GRIK4: variants seen among roughly 807,000 people sequenced by gnomAD.
The protein encoded by GRIK4 is glutamate ionotropic receptor kainate type subunit 4, also known as glutamate receptor ionotropic, kainate 4.
GRIK4 carries 40 observed loss-of-function variants against 104.9 expected under a neutral mutation model. The ratio of observed to expected loss-of-function variants is 0.38; its 90% CI spans 0.30 to 0.50. The LOEUF is 0.50. GRIK4 is among the 20% of genes least tolerant of loss of function. The probability of loss-of-function intolerance (pLI) is 0.93; values close to 1 mark genes in which losing one functional copy is unlikely to be tolerated. For synonymous variants in GRIK4, 485 were observed against 524.9 expected (o/e 0.92, Z 1.04); for missense variants, 1,047 against 1,308.1 (o/e 0.80, Z 3.08).
intron 3 of GRIK4, among the ~76,000 whole-genome samples, chr11:120,724,522 A>G (rs1428775707): frequency 6.6e-6 from 1 of 152,214 alleles, no homozygotes; most frequent in East Asian, 1.9e-4. Flanking sequence ...AAGGAATGTT[A>G]TTGGCATTGA....
At chr11:120,672,064 C>T (rs183644558) in intron 3 of GRIK4, among the ~76,000 whole-genome samples, 6 of 152,254 alleles carry the variant, frequency 3.9e-5, no homozygotes, top group Admixed American at 6.5e-5. Context: ...AGTGTGATGC[C>T]TCCAGCTTTG....
intron 3 of GRIK4, among the ~76,000 whole-genome samples, chr11:120,787,164 A>G (rs1369975517): frequency 2.0e-5 from 3 of 151,652 alleles, no homozygotes; most frequent in African/African-American, 7.3e-5. Flanking sequence ...TTTAACAACA[A>G]CAAAAAAAAT....
At chr11:120,592,753 C>G (rs1161645661) in intron 1 of GRIK4, among the ~76,000 whole-genome samples, 1 of 152,144 alleles carries the variant, frequency 6.6e-6, no homozygotes, top group Non-Finnish European at 1.5e-5. Flanking sequence ...GCCTGACCTC[C>G]CACCCACATG....
At chr11:120,573,556 G>T (rs1228058724) in intron 1 of GRIK4, among the ~76,000 whole-genome samples, 1 of 152,188 alleles carries the variant, frequency 6.6e-6, no homozygotes, top group Non-Finnish European at 1.5e-5. Context: ...GTCTCACTGG[G>T]TGGGAGAAAG....
intron 19 of GRIK4, among the ~76,000 whole-genome samples, chr11:120,981,166 G>T (rs370845772): frequency 5.1e-4 from 78 of 152,162 alleles, no homozygotes; most frequent in African/African-American, 1.9e-3. Context: ...GAATCAGGGT[G>T]TTTTGTGTTT....
chr11:120,804,608 G>A (rs1952679254), intron 4 of GRIK4, among the ~76,000 whole-genome samples: 1 of 152,312 alleles, frequency 6.6e-6, no homozygotes, highest in South Asian at 2.1e-4. Context: ...CTTTTATTGA[G>A]CATTGACTCT....
At chr11:120,519,382 G>T (rs1947768862) in intron 1 of GRIK4, among the ~76,000 whole-genome samples, 2 of 152,164 alleles carry the variant, frequency 1.3e-5, no homozygotes, top group Admixed American at 1.3e-4. Context: ...CCTCACGAAT[G>T]GGATTATGCC....
chr11:120,849,083 C>T (rs554966204), intron 8 of GRIK4, among the ~76,000 whole-genome samples: 1 of 152,268 alleles, frequency 6.6e-6, no homozygotes, highest in Admixed American at 6.5e-5. Context: ...ACGGGGCTCC[C>T]AGAGCTGAGT....
chr11:120,793,237 T>C (rs1365387675), intron 3 of GRIK4, among the ~76,000 whole-genome samples: 1 of 151,802 alleles, frequency 6.6e-6, no homozygotes, highest in Admixed American at 6.6e-5. Flanking sequence ...GAACATGGCA[T>C]GGGGTGAAGT....
intron 11 of GRIK4, among the ~76,000 whole-genome samples, chr11:120,897,509 C>T (rs1165724590): frequency 6.9e-6 from 1 of 145,788 alleles, no homozygotes; most frequent in Non-Finnish European, 1.5e-5. Flanking sequence ...TGGCAGGCAC[C>T]TGTAATCCCA....
At chr11:120,895,634 G>T (rs1226623474) in intron 11 of GRIK4, among the ~76,000 whole-genome samples, 1 of 152,192 alleles carries the variant, frequency 6.6e-6, no homozygotes, top group Non-Finnish European at 1.5e-5. Flanking sequence ...AAACAAGAAA[G>T]ATCACAGAAT....
intron 18 of GRIK4, among the ~76,000 whole-genome samples, chr11:120,965,554 G>C (rs1000178675): frequency 6.6e-6 from 1 of 152,196 alleles, no homozygotes; most frequent in Non-Finnish European, 1.5e-5. Context: ...AGCTCTGCTG[G>C]TGGTTGCCCA....
chr11:120,884,788 T>C (rs1216950638), intron 11 of GRIK4, among the ~76,000 whole-genome samples: 3 of 152,268 alleles, frequency 2.0e-5, no homozygotes, highest in Non-Finnish European at 2.9e-5. Context: ...GCCAGAGCGC[T>C]GCAAGGCCCG....
Position 120,733,736 on chromosome 11 carries a change from C to CTT in GRIK4, c.83-68939_83-68938dup, listed in dbSNP as rs1162073446. ...TTGGTTCATTGTTTAGTCTTTCTCC[C>CTT]TTTTTTTTTTTTTTTTTTTGAGATG... On this transcript the variant is annotated intron_variant, in intron 3 of 20. Coordinates refer to ENST00000527524, the MANE Select transcript of GRIK4 (RefSeq NM_014619.5). Among the ~76,000 whole-genome samples the CTT allele has an allele frequency of 6.9e-5, 10 of 145,042 alleles. No individual in the cohort carries two copies. The East Asian group carries it at 8.6e-4, about 12-fold the overall frequency.
chr11:120,907,154 C>G (rs1942886069), intron 13 of GRIK4, among the ~76,000 whole-genome samples: 1 of 152,184 alleles, frequency 6.6e-6, no homozygotes, highest in African/African-American at 2.4e-5. Flanking sequence ...TATTTGGTTT[C>G]CACTGTGAAG....
chr11:120,626,421 T>C (rs1313020389), intron 1 of GRIK4, among the ~76,000 whole-genome samples: 1 of 152,208 alleles, frequency 6.6e-6, no homozygotes, highest in Non-Finnish European at 1.5e-5. Context: ...GGAGGGAAAC[T>C]GATGCGCTTC....
intron 1 of GRIK4, among the ~76,000 whole-genome samples, chr11:120,581,748 T>TC (rs1948583610): frequency 6.6e-6 from 1 of 151,706 alleles, no homozygotes. Flanking sequence ...TTTCCTTCCT[T>TC]TTTTTTTTCT....
At chr11:120,816,057 G>A (rs1292999102) in intron 5 of GRIK4, among the ~76,000 whole-genome samples, 2 of 152,082 alleles carry the variant, frequency 1.3e-5, no homozygotes, top group African/African-American at 4.8e-5. Context: ...GACTCGAACT[G>A]GAGGCTCTCC....
intron 13 of GRIK4, among the ~76,000 whole-genome samples, chr11:120,917,247 C>CAAAAAAAAAAAAAAAAAAAAAAAAAA (rs199620498): frequency 2.9e-5 from 1 of 34,794 alleles, no homozygotes; most frequent in Admixed American, 3.8e-4. Flanking sequence ...AACTCCGTCT[C>CAAAAAAAAAAAAAAAAAAAAAAAAAA]AAAAAAAAAA....
Sources: allele counts gnomAD v4.1 joint callset (sites outside exome capture counted in the v4.1 genomes callset), GRCh38; gene constraint gnomAD v4.1.1; transcripts MANE v1.5; gene names NCBI Gene and HGNC (gene_info 2026-07-23, HGNC 2026-07-21).